Variants in IL1RAPL2 observed in about 807,000 individuals in gnomAD.
IL1RAPL2 encodes the protein X-linked interleukin-1 receptor accessory protein-like 2.
Under a neutral mutation model 44.1 loss-of-function variants are expected in IL1RAPL2, and 3 were observed. The ratio of observed to expected loss-of-function variants is 0.07; its 90% CI spans 0.03 to 0.18. The LOEUF is 0.18. Ranked by LOEUF, IL1RAPL2 falls within the 10% of genes least tolerant of loss-of-function variation. The pLI is 1.00. For missense variants in IL1RAPL2, 391 were observed against 496.4 expected, an observed-to-expected ratio of 0.79 and a Z score of 2.02; for synonymous variants, 181 against 178.8, an observed-to-expected ratio of 1.01 and a Z score of -0.10.
chrX:104,809,326 A>G (rs1283304696), intron 2 of IL1RAPL2, among the ~76,000 whole-genome samples: 1 of 111,606 alleles, frequency 9.0e-6, no homozygotes, highest in Non-Finnish European at 1.9e-5. Flanking sequence ...GGGTTGAACT[A>G]GTTTACAGTC....
chrX:104,991,975 T>G (rs2030669705), intron 2 of IL1RAPL2, among the ~76,000 whole-genome samples: 1 of 110,484 alleles, frequency 9.1e-6, no homozygotes, highest in African/African-American at 3.3e-5. Flanking sequence ...TTTGGACAGG[T>G]GGATGAGGAA....
At chrX:105,467,043 A>G (rs966195103) in intron 5 of IL1RAPL2, among the ~76,000 whole-genome samples, 2 of 111,090 alleles carry the variant, frequency 1.8e-5, no homozygotes, top group African/African-American at 3.3e-5. Context: ...TCATAACCCA[A>G]TCTTCTCCCA....
intron 2 of IL1RAPL2, among the ~76,000 whole-genome samples, chrX:105,170,897 CACA>C (rs770358773): frequency 1.2e-3 from 137 of 111,807 alleles, no homozygotes; most frequent in Non-Finnish European, 1.3e-3. Context: ...CCAGAAGTCA[CACA>C]ACATTAGTCA....
intron 7 of IL1RAPL2, among the ~76,000 whole-genome samples, chrX:105,731,209 G>T (rs2038402979): frequency 9.0e-6 from 1 of 111,151 alleles, no homozygotes; most frequent in African/African-American, 3.3e-5. Flanking sequence ...TGATACCACA[G>T]AAATACAAAA....
chrX:104,826,938 CTTTT>C (rs1176113214), intron 2 of IL1RAPL2, among the ~76,000 whole-genome samples: 6 of 34,851 alleles, frequency 1.7e-4, no homozygotes, highest in Admixed American at 3.6e-4. Context: ...GCAACCCCTG[CTTTT>C]TTTTTTTTTT....
intron 2 of IL1RAPL2, among the ~76,000 whole-genome samples, chrX:105,056,519 G>C (rs1243307976): frequency 3.6e-5 from 4 of 111,719 alleles, no homozygotes; most frequent in African/African-American, 9.7e-5. Context: ...CTTTAAGATT[G>C]GGAGAAACAG....
At chrX:104,735,606 G>A (rs908277805) in intron 2 of IL1RAPL2, among the ~76,000 whole-genome samples, 9 of 111,386 alleles carry the variant, frequency 8.1e-5, no homozygotes, top group Non-Finnish European at 1.5e-4. Flanking sequence ...AGTGTCAAGC[G>A]CATCCCACAG....
At chrX:105,284,012 A>T (rs2034552432) in intron 5 of IL1RAPL2, among the ~76,000 whole-genome samples, 1 of 111,745 alleles carries the variant, frequency 8.9e-6, no homozygotes, top group South Asian at 3.7e-4. Flanking sequence ...CTATATGGGG[A>T]TGATATCTTG....
intron 2 of IL1RAPL2, among the ~76,000 whole-genome samples, chrX:104,996,804 G>C (rs2147734430): frequency 9.0e-6 from 1 of 111,520 alleles, no homozygotes; most frequent in Non-Finnish European, 1.9e-5. Context: ...AATAAATATT[G>C]AAACTGAAGT....
intron 7 of IL1RAPL2, among the ~76,000 whole-genome samples, chrX:105,722,253 G>A (rs2038311740): frequency 1.8e-5 from 2 of 111,733 alleles, no homozygotes; most frequent in African/African-American, 6.5e-5. Flanking sequence ...AAAATACAGT[G>A]TTATAATCTT....
At chrX:105,677,808 C>G (rs1219757100) in intron 6 of IL1RAPL2, among the ~76,000 whole-genome samples, 5 of 111,436 alleles carry the variant, frequency 4.5e-5, no homozygotes, top group Non-Finnish European at 9.4e-5. Context: ...CAAAATTGTC[C>G]CTAGTATGTA....
At chrX:104,638,853 T>G in intron 1 of IL1RAPL2, among the ~76,000 whole-genome samples, 1 of 112,404 alleles carries the variant, frequency 8.9e-6, no homozygotes, top group Non-Finnish European at 1.9e-5. Context: ...GACAGAATGT[T>G]CTGTAAATGT....
chrX:104,789,614 A>G (rs1273196277), intron 2 of IL1RAPL2, among the ~76,000 whole-genome samples: 25 of 112,264 alleles, frequency 2.2e-4, no homozygotes, highest in African/African-American at 8.1e-4. Flanking sequence ...ACATTCTTCT[A>G]TTATTTGCTA....
At chrX:104,775,070 G>A (rs1195374227) in intron 2 of IL1RAPL2, among the ~76,000 whole-genome samples, 2 of 112,447 alleles carry the variant, frequency 1.8e-5, no homozygotes, top group Admixed American at 1.9e-4. Context: ...TGCCCTGGAG[G>A]AAGAAGACCT....
At chrX:105,460,846 A>G (rs1602422635) in intron 5 of IL1RAPL2, among the ~76,000 whole-genome samples, 1 of 111,730 alleles carries the variant, frequency 9.0e-6, no homozygotes, top group South Asian at 3.7e-4. Context: ...CCAAATACCT[A>G]TTAACAGATA....
chrX:104,825,391 G>A (rs987499171), intron 2 of IL1RAPL2, among the ~76,000 whole-genome samples: 1 of 112,188 alleles, frequency 8.9e-6, no homozygotes, highest in African/African-American at 3.2e-5. Context: ...AGTAGTTGAG[G>A]TCAATAGCTC....
Position 104,937,041 on chromosome X carries a change from T to C in IL1RAPL2, c.83-258434T>C, listed in dbSNP as rs751767247. ...CTTTTCTCCATGTGCTTTCTCCATC[T>C]CCACACAGGGCTCAGCCTGCTTCTT... On this transcript the variant is annotated intron_variant, in intron 2 of 10. Coordinates refer to ENST00000372582, the MANE Select transcript of IL1RAPL2 (RefSeq NM_017416.2). Among the ~76,000 whole-genome samples, 6 of 112,092 alleles carry C rather than the reference T, an allele frequency of 5.4e-5. No individual in the cohort carries two copies. The East Asian group carries it at 1.7e-3, about 32-fold the overall frequency.
At chrX:105,706,523 C>T (rs1185087495) in intron 6 of IL1RAPL2, among the ~76,000 whole-genome samples, 2 of 111,392 alleles carry the variant, frequency 1.8e-5, no homozygotes, top group Non-Finnish European at 3.8e-5. Context: ...GTCAAGGATA[C>T]TCATAGGAAA....
At chrX:105,420,910 T>A (rs1215366554) in intron 5 of IL1RAPL2, among the ~76,000 whole-genome samples, 2 of 111,740 alleles carry the variant, frequency 1.8e-5, no homozygotes, top group Non-Finnish European at 3.8e-5. Flanking sequence ...GAAAGACAGA[T>A]CTGAGAAACC....
Sources: gnomAD v4.1 joint callset for allele counts (sites outside exome capture counted in the v4.1 genomes callset) on GRCh38, gnomAD v4.1.1 for gene constraint, MANE v1.5 for transcripts, NCBI Gene and HGNC (gene_info 2026-07-23, HGNC 2026-07-21) for gene names.